ADGRD2: variants seen among roughly 807,000 people sequenced by gnomAD.
ADGRD2 encodes adhesion G protein-coupled receptor D2, also known as G protein-coupled receptor PGR24.
ADGRD2 carries 71 observed loss-of-function variants against 44.4 expected under a neutral mutation model. The ratio of observed to expected loss-of-function variants is 1.60; its 90% CI spans 1.32 to 1.95. ADGRD2 has a LOEUF of 1.95. Among genes scored for constraint, ADGRD2 ranks in the 30% most tolerant of loss-of-function variants. The pLI, the probability that ADGRD2 is intolerant of heterozygous loss-of-function variation, is 0.00. For missense variants in ADGRD2, 1,039 were observed against 512.4 expected (o/e 2.03, Z -9.92); for synonymous variants, 481 against 224.8 (o/e 2.14, Z -10.19).
At chr9:124,476,527 G>A (rs1357685281) in intron 20 of ADGRD2, 112 bp downstream of exon 23, 11 of 637,538 alleles carry the variant, frequency 1.7e-5, no homozygotes, top group South Asian at 5.1e-5. Flanking sequence ...GGGGCTTCCC[G>A]GGGATCTGTT....
At position 124,454,005 on chromosome 9, in the gene ADGRD2, C is replaced by T. The variant is rs1350035684; in HGVS notation, c.932C>T (p.Ser311Phe). 1 of 699,088 alleles carries T rather than the reference C, an allele frequency of 1.4e-6. No individual in the cohort carries two copies. Among genetic ancestry groups the T allele is most frequent in the Non-Finnish European group, 2.6e-6 (1 of 377,792 alleles). 43.3% of individuals were successfully genotyped at this position (699,088 alleles called of 1,614,324 possible). Reference sequence around the variant, plus strand: ...GCTCCCCTGCCCCTGCCAGTGCCCTCCGAGGAGTGCCCTACGTGGAACCCG... The same window carrying T: ...GCTCCCCTGCCCCTGCCAGTGCCCTTCGAGGAGTGCCCTACGTGGAACCCG... The change falls in exon 4 of 22, where the codon TCC becomes TTC. Residue 311 changes from serine to phenylalanine, a missense_variant. By Grantham distance (155) the Ser-to-Phe change is radical. Transcript: ENST00000334810. This position sits in a 1 kb window ranked among gnomAD's most constrained non-coding sequence, Gnocchi z 4.5.
chr9:124,461,081 T>C (rs1241075368), intron 10 of ADGRD2, among the ~76,000 whole-genome samples: 2 of 152,248 alleles, frequency 1.3e-5, no homozygotes, highest in Non-Finnish European at 2.9e-5. Flanking sequence ...TATACACTTA[T>C]TAAGCAGTCA....
At chr9:124,473,207 C>T (rs1831985744) in intron 17 of ADGRD2, among the ~76,000 whole-genome samples, 1 of 152,198 alleles carries the variant, frequency 6.6e-6, no homozygotes, top group Non-Finnish European at 1.5e-5. Context: ...GGAGGGTGAC[C>T]AAGTGACCAG....
At chr9:124,459,612 G>C (rs1831690106) in intron 10 of ADGRD2, among the ~76,000 whole-genome samples, 1 of 152,034 alleles carries the variant, frequency 6.6e-6, no homozygotes, top group African/African-American at 2.4e-5. Flanking sequence ...CATCTGTACT[G>C]AACATCTATA....
chr9:124,476,117 C>G (rs1832045396), intron 19 of ADGRD2, among the ~76,000 whole-genome samples: 1 of 152,152 alleles, frequency 6.6e-6, no homozygotes, highest in African/African-American at 2.4e-5. Flanking sequence ...GGCTCTGAGG[C>G]AGGGCATGGG....
chr9:124,471,037 T>G (rs765419620), intron 17 of ADGRD2, among the ~76,000 whole-genome samples: 1 of 151,970 alleles, frequency 6.6e-6, no homozygotes, highest in Non-Finnish European at 1.5e-5. Context: ...TAGAAGAGGG[T>G]TTGGTGAGGA....
At position 124,472,695 on chromosome 9, in the gene ADGRD2, CG is replaced by C. The variant is rs201336520; in HGVS notation, c.2758+2086del. Among the ~76,000 whole-genome samples, 6 of 152,142 alleles carry C rather than the reference CG, an allele frequency of 3.9e-5. No individual in the cohort carries two copies. The South Asian group carries it at 6.2e-4, about 16-fold the overall frequency. ...ATAATTTTCTTATTTTTAGTGGAGACGGGGGTCTCACCATGTTGCCCAGGTT... is the reference window on the plus strand; with the variant it reads ...ATAATTTTCTTATTTTTAGTGGAGACGGGGTCTCACCATGTTGCCCAGGTT... On this transcript the variant is annotated intron_variant, in intron 17 of 21. Coordinates refer to ENST00000334810, the Ensembl canonical transcript of ADGRD2.
chr9:124,466,584 C>T, intron 11 of ADGRD2, 171 bp downstream of exon 14: 1 of 447,094 alleles, frequency 2.2e-6, no homozygotes. Flanking sequence ...CTTTGGGCGG[C>T]TGATCACTTG....
chr9:124,454,372 A>G lies in ADGRD2; in HGVS notation c.1023-112A>G. On this transcript the variant is annotated intron_variant, in intron 4 of 21. Coordinates refer to ENST00000334810, the Ensembl canonical transcript of ADGRD2. The surrounding 1 kb of genome is among the most constrained non-coding windows in gnomAD (Gnocchi z 4.5). Reference sequence around the variant, plus strand: ...TAAGACTCTGGACACACAGCCATCAAGGTGCTCTTCCTTCCCTGGGCAGCA... The same window carrying G: ...TAAGACTCTGGACACACAGCCATCAGGGTGCTCTTCCTTCCCTGGGCAGCA... 1 of 632,376 alleles carries G rather than the reference A, an allele frequency of 1.6e-6. No homozygotes were observed. The highest frequency in any genetic ancestry group is 2.9e-6 in the Non-Finnish European group (1 of 342,822). 39.2% of individuals were successfully genotyped at this position (632,376 alleles called of 1,614,324 possible). A position where few individuals can be genotyped will look rare whatever the true frequency, so the allele number is the denominator to read the frequency against.
chr9:124,474,276 CAAAAAAAAAAAAA>C (rs397947760), intron 17 of ADGRD2, among the ~76,000 whole-genome samples: 254 of 80,650 alleles, frequency 3.1e-3, no homozygotes, highest in Non-Finnish European at 5.0e-3. Flanking sequence ...AACTCTGTCT[CAAAAAAAAAAAAA>C]AAAAAAAAAG....
chr9:124,454,068 C>T lies in ADGRD2; in HGVS notation c.995C>T (p.Pro332Leu), dbSNP rs934688871. The T allele has an allele frequency of 8.4e-6, 6 of 713,142 alleles. No homozygotes were observed. Among genetic ancestry groups the T allele is most frequent in the South Asian group, 1.5e-5 (1 of 67,000 alleles). The allele number at this position is 713,142 out of a possible 1,614,324, so 44.2% of individuals were successfully genotyped here. A position where few individuals can be genotyped will look rare whatever the true frequency, so the allele number is the denominator to read the frequency against. ...GAGGGCTCTGAGCTCTGCCTGGAGC[C>T]GCAGCCCTTCCTCTGCTGCTACCGG... The change falls in exon 4 of 22, where the codon CCG becomes CTG. Residue 332 changes from proline to leucine, a missense_variant. Physicochemically the swap from Pro to Leu is moderately conservative, Grantham distance 98 (BLOSUM62 -3). Transcript: ENST00000334810. The surrounding 1 kb of genome is among the most constrained non-coding windows in gnomAD (Gnocchi z 4.5).
intron 10 of ADGRD2, chr9:124,465,813 G>A (rs530708734): frequency 6.5e-6 from 1 of 153,066 alleles, no homozygotes; most frequent in South Asian, 2.1e-4. Context: ...CCAGGGGGTA[G>A]TGAGCTCCTT....
exon 13 of ADGRD2, chr9:124,468,146 G>T (rs1215953657): frequency 2.8e-6 from 2 of 718,586 alleles, no homozygotes; most frequent in South Asian, 3.0e-5. Flanking sequence ...CCTGGCCTCT[G>T]CCGAGGGCTT....
At chr9:124,473,687 C>T (rs982128160) in intron 17 of ADGRD2, among the ~76,000 whole-genome samples, 10 of 152,210 alleles carry the variant, frequency 6.6e-5, no homozygotes, top group African/African-American at 2.4e-4. Context: ...AGACAGACAT[C>T]AAAGCCACAC....
chr9:124,474,256 T>C lies in ADGRD2; in HGVS notation c.2759-1190T>C, dbSNP rs12336391. On this transcript the variant is annotated intron_variant, in intron 17 of 21. Coordinates refer to ENST00000334810, the Ensembl canonical transcript of ADGRD2. ...TGCCATTGCACTCCAGCCTGGGCAA[T>C]AAGAGTGAAAACTCTGTCTCAAAAA... is the stretch of plus-strand genomic sequence containing the variant. Among the ~76,000 whole-genome samples the C allele has an allele frequency of 1.2e-4, 12 of 100,746 alleles. No individual in the cohort carries two copies. The South Asian group carries it at 3.5e-3, about 29-fold the overall frequency. 66.1% of individuals were successfully genotyped at this position (100,746 alleles called of 152,430 possible). A position where few individuals can be genotyped will look rare whatever the true frequency, so the allele number is the denominator to read the frequency against.
chr9:124,475,679 A>G (rs773363250), intron 19 of ADGRD2, 64 bp downstream of exon 22: 12 of 593,586 alleles, frequency 2.0e-5, no homozygotes, highest in Admixed American at 3.1e-5. Flanking sequence ...CCCAGCCCCC[A>G]TATCCTCTCC....
rs770581262 is a variant in ADGRD2 at position 124,470,583 on chromosome 9, C to CCTA, written c.2729_2731dup (p.Tyr911dup). ...CTGGTGCACCTGAGCCCCGCCTGGG[C>CCTA]CTACGCTGCCGTGGGCCTCAACTCC... On this transcript the variant is annotated inframe_insertion, in exon 17 of 22. Coordinates refer to ENST00000334810, the Ensembl canonical transcript of ADGRD2. 7.1e-4 allele frequency: 505 copies of CCTA among 708,594 alleles called. 1 individual carries two copies. The highest frequency in any genetic ancestry group is 1.0e-3 in the Non-Finnish European group (404 of 384,968). 43.9% of individuals were successfully genotyped at this position (708,594 alleles called of 1,614,324 possible).
At chr9:124,468,718 T>C in intron 14 of ADGRD2, 46 bp downstream of exon 17, 1 of 674,402 alleles carries the variant, frequency 1.5e-6, no homozygotes, top group Non-Finnish European at 2.7e-6. Flanking sequence ...CAGCTGTACC[T>C]TGCACGGCCG....
At chr9:124,453,353 G>T in exon 3 of ADGRD2, 2 of 523,054 alleles carry the variant, frequency 3.8e-6, no homozygotes, top group South Asian at 5.3e-5. Context: ...GAGCAGCGGG[G>T]CGGGCGCTGG....
Sources: allele counts gnomAD v4.1 joint callset (sites outside exome capture counted in the v4.1 genomes callset), GRCh38; gene constraint gnomAD v4.1.1; non-coding constraint Gnocchi (gnomAD v3.1); transcripts MANE v1.5; gene names NCBI Gene and HGNC (gene_info 2026-07-23, HGNC 2026-07-21).